The following DDX60L variants were observed in gnomAD, a reference collection of about 807,000 sequenced individuals.
DDX60L encodes the protein DExD/H-box 60 like, also known as probable ATP-dependent RNA helicase DDX60-like.
DDX60L carries 191 observed loss-of-function variants against 211.6 expected under a neutral mutation model. That is an observed-to-expected ratio of 0.90 (90% confidence interval 0.80 to 1.02). The LOEUF (loss-of-function observed/expected upper bound fraction) is 1.02, where lower values mean the gene tolerates loss of function less well. DDX60L is among the 50% of genes least tolerant of loss of function. DDX60L has a pLI of 0.00. For missense variants in DDX60L, 2,007 were observed against 1,984.1 expected (o/e 1.01, Z -0.22); for synonymous variants, 706 against 694.1 (o/e 1.02, Z -0.27).
chr4:168,374,585 G>GGA (rs1340079492), intron 34 of DDX60L, among the ~76,000 whole-genome samples: 3 of 152,190 alleles, frequency 2.0e-5, no homozygotes, highest in African/African-American at 7.2e-5. Context: ...CCGTAATGAT[G>GGA]GAAATATTCT....
chr4:168,456,000 G>T, intron 7 of DDX60L, 39 bp downstream of exon 7: 2 of 1,405,280 alleles, frequency 1.4e-6, no homozygotes, highest in South Asian at 1.3e-5. Flanking sequence ...CCTGATGAAT[G>T]ACAGCTTTCT....
At chr4:168,363,774 C>A (rs1350190617) in intron 36 of DDX60L, among the ~76,000 whole-genome samples, 1 of 151,938 alleles carries the variant, frequency 6.6e-6, no homozygotes, top group Non-Finnish European at 1.5e-5. Flanking sequence ...ACATAAACAA[C>A]AAGAGAGGAA....
intron 7 of DDX60L, among the ~76,000 whole-genome samples, chr4:168,454,325 C>T (rs1756219377): frequency 6.6e-6 from 1 of 152,090 alleles, no homozygotes; most frequent in Admixed American, 6.6e-5. Context: ...GCTCTGTCTC[C>T]TACATTAAAA....
intron 4 of DDX60L, among the ~76,000 whole-genome samples, chr4:168,465,248 G>T (rs568784262): frequency 6.6e-6 from 1 of 151,876 alleles, no homozygotes; most frequent in East Asian, 1.9e-4. Flanking sequence ...GATTAATAAT[G>T]TTGACTATGC....
At chr4:168,445,399 C>G (rs908460373) in intron 9 of DDX60L, among the ~76,000 whole-genome samples, 400 of 150,418 alleles carry the variant, frequency 2.7e-3, no homozygotes, top group African/African-American at 9.1e-3. Context: ...AGCTTACCAA[C>G]CAAAAAGAGT....
intron 4 of DDX60L, among the ~76,000 whole-genome samples, chr4:168,464,972 T>A (rs553934628): frequency 1.3e-5 from 2 of 152,122 alleles, no homozygotes; most frequent in Non-Finnish European, 2.9e-5. Context: ...ACAGCAGATA[T>A]CTCTTTAACA....
chr4:168,394,485 A>G lies in DDX60L; in HGVS notation c.3790T>C (p.Phe1264Leu). ...FKEKEFVEIL[F>L]VKGLIRVVTA... is the part of the protein sequence containing the mutation. ...CCTACCCTAATAAGCCCTTTTACAA[A>G]GAGTATCTCAACAAACTCTTTTTCT... is the stretch of plus-strand genomic sequence containing the variant. The change falls in exon 28 of 38, where the codon TTT (phenylalanine) becomes CTT (leucine). Residue 1264 changes from phenylalanine (F) to leucine (L), a missense_variant. Phe to Leu is a conservative substitution (Grantham distance 22, BLOSUM62 0). Coordinates refer to ENST00000682922, the MANE Select transcript of DDX60L (RefSeq NM_001012967.3). The G allele has an allele frequency of 6.2e-7, 1 of 1,606,466 alleles. No individual in the cohort carries two copies. Among genetic ancestry groups the G allele is most frequent in the Non-Finnish European group, 8.5e-7 (1 of 1,177,634 alleles).
Position 168,400,889 on chromosome 4 carries a change from C to T in DDX60L, c.3428G>A (p.Cys1143Tyr). ...TETKSHPHTE[C>Y]HSYVFAIDEV... Reference sequence around the variant, plus strand: ...ATCTATTGCAAAGACATAACTATGACATTCAGTGTGGGGATGGCTTTTTGT... The same window carrying T: ...ATCTATTGCAAAGACATAACTATGATATTCAGTGTGGGGATGGCTTTTTGT... Residue 1143 changes from cysteine to tyrosine, a missense_variant, in exon 26 of 38, where the codon TGT becomes TAT. Cys to Tyr is a radical substitution (Grantham distance 194, BLOSUM62 -2). Transcript: ENST00000682922. 2 of 1,613,638 alleles carry T rather than the reference C, an allele frequency of 1.2e-6. No homozygotes were observed. The highest frequency in any genetic ancestry group is 1.7e-6 in the Non-Finnish European group (2 of 1,179,592).
chr4:168,453,216 C>T lies in DDX60L; in HGVS notation c.904G>A (p.Ala302Thr). Residue 302 changes from alanine to threonine, a missense_variant, in exon 8 of 38, where the codon GCT becomes ACT. Transcript: ENST00000682922. ...GAAAGGGGTAAGTGGAGTTGAAAAG[C>T]CACACAGAGGCAACGCAGTCTGCAG... The part of the protein sequence containing the change: ...DFCRLRCLCV[A>T]FQLHLPLSQR... The T allele has an allele frequency of 1.2e-6, 2 of 1,613,174 alleles. No homozygotes were observed. Among genetic ancestry groups the T allele is most frequent in the Non-Finnish European group, 1.7e-6 (2 of 1,179,470 alleles).
At chr4:168,364,856 A>G (rs549837101) in intron 36 of DDX60L, among the ~76,000 whole-genome samples, 52 of 152,356 alleles carry the variant, frequency 3.4e-4, no homozygotes, top group African/African-American at 1.1e-3. Flanking sequence ...ATGAAACTAG[A>G]AATCAGCAAC....
chr4:168,453,179 C>A lies in DDX60L; in HGVS notation c.941G>T (p.Cys314Phe). ...CCAAGAGCATGTGATGACTCGAGAACAAGCTCTCTGAGAAAGGGGTAAGTG... is the reference window on the plus strand; with the variant it reads ...CCAAGAGCATGTGATGACTCGAGAAAAAGCTCTCTGAGAAAGGGGTAAGTG... Reference protein sequence around the residue: ...QLHLPLSQRACSRVITCSWIR... With the variant: ...QLHLPLSQRAFSRVITCSWIR... The change falls in exon 8 of 38, where the codon TGT becomes TTT. Residue 314 changes from cysteine (C) to phenylalanine (F), a missense_variant. Cys to Phe is a radical substitution (Grantham distance 205). Transcript: ENST00000682922. 6.2e-7 allele frequency: 1 copy of A among 1,613,334 alleles called. No homozygotes were observed. The highest frequency in any genetic ancestry group is 8.5e-7 in the Non-Finnish European group (1 of 1,179,536).
intron 11 of DDX60L, 143 bp from the exon 12 acceptor site, chr4:168,432,713 A>G: frequency 2.0e-6 from 1 of 509,184 alleles, no homozygotes; most frequent in Non-Finnish European, 3.4e-6. Flanking sequence ...AGAGACATAA[A>G]AACCCTGAAT....
intron 17 of DDX60L, 133 bp from the exon 18 acceptor site, chr4:168,420,513 A>G (rs1750362182): frequency 1.2e-6 from 1 of 861,496 alleles, no homozygotes; most frequent in Non-Finnish European, 1.8e-6. Flanking sequence ...CACTTCAATG[A>G]AAATGAAATG....
rs751072380 is a variant in DDX60L at position 168,453,154 on chromosome 4, C to T, written c.966G>A (p.Trp322Ter). 1.7e-5 allele frequency: 27 copies of T among 1,611,912 alleles called. No individual in the cohort carries two copies. In the South Asian group the frequency reaches 2.3e-4, roughly 14 times the overall value. Residue 322 changes from tryptophan (W) to a stop codon, truncating the protein, a stop_gained, in exon 8 of 38, where the codon TGG (tryptophan) becomes TGA (stop). Coordinates refer to ENST00000682922, the MANE Select transcript of DDX60L (RefSeq NM_001012967.3). LOFTEE classifies it high-confidence loss of function. ...TTAAGAAAGAATCACTGTTCCTAAT[C>T]CAAGAGCATGTGATGACTCGAGAAC... ...RACSRVITCS[W>*]IRNSDSFLKM... is the part of the protein sequence containing the mutation.
chr4:168,415,419 T>C lies in DDX60L; in HGVS notation c.2968A>G (p.Thr990Ala). 6 of 1,601,150 alleles carry C rather than the reference T, an allele frequency of 3.7e-6. No individual in the cohort carries two copies. Among genetic ancestry groups the C allele is most frequent in the Non-Finnish European group, 5.1e-6 (6 of 1,173,122 alleles). Residue 990 changes from threonine to alanine, a missense_variant, in exon 22 of 38, where the codon ACG becomes GCG. By Grantham distance (58) the Thr-to-Ala change is moderately conservative. Transcript: ENST00000682922. Reference sequence around the variant, plus strand: ...ACTTTTATACTTACAATATCTGTCGTTAGCGCAGCACAGGGATGAAAATGA... The same window carrying C: ...ACTTTTATACTTACAATATCTGTCGCTAGCGCAGCACAGGGATGAAAATGA... ...FDHFHPCAAL[T>A]TDIIEKYGFP...
intron 1 of DDX60L, chr4:168,480,119 G>C (rs1236438873): frequency 6.6e-6 from 1 of 152,484 alleles, no homozygotes; most frequent in Non-Finnish European, 1.5e-5. Context: ...CAGATCCCCA[G>C]GCCCCCTCGG....
intron 36 of DDX60L, among the ~76,000 whole-genome samples, chr4:168,365,853 A>G (rs1205100557): frequency 6.6e-6 from 1 of 152,170 alleles, no homozygotes; most frequent in East Asian, 1.9e-4. Flanking sequence ...TATCCAGGGA[A>G]TGCAAGGATA....
In DDX60L at chr4:168,400,900, G is replaced by A. The variant is rs1406423124; in HGVS notation, c.3417C>T (p.Pro1139=). The A allele has an allele frequency of 6.2e-7, 1 of 1,613,430 alleles. No homozygotes were observed. Among genetic ancestry groups the A allele is most frequent in the Non-Finnish European group, 8.5e-7 (1 of 1,179,490 alleles). ...AGACATAACTATGACATTCAGTGTGGGGATGGCTTTTTGTCTCTGTCTTCT... is the reference window on the plus strand; with the variant it reads ...AGACATAACTATGACATTCAGTGTGAGGATGGCTTTTTGTCTCTGTCTTCT... ...FLEKTETKSH[P]HTECHSYVFA... is the part of the protein sequence containing the mutation. The change falls in exon 26 of 38, where the codon CCC becomes CCT. Residue 1139 remains proline (P), a synonymous_variant. Transcript: ENST00000682922.
At position 168,427,317 on chromosome 4, in the gene DDX60L, G is replaced by T; in HGVS notation, c.1683C>A (p.Thr561=). Residue 561 remains threonine (T), a synonymous_variant, in exon 14 of 38, where the codon ACC becomes ACA. Coordinates refer to ENST00000682922, the MANE Select transcript of DDX60L (RefSeq NM_001012967.3). ...TCTTTTTGGTAATTTGGTGGGGTTTGGTATTCTGCTCAATAATAAAAGGAA... is the reference window on the plus strand; with the variant it reads ...TCTTTTTGGTAATTTGGTGGGGTTTTGTATTCTGCTCAATAATAAAAGGAA... ...SGASGEILQN[T]KPHQITKKSK... The T allele has an allele frequency of 6.2e-7, 1 of 1,611,662 alleles. No homozygotes were observed. The highest frequency in any genetic ancestry group is 1.1e-5 in the South Asian group (1 of 90,692).
Sources: allele counts gnomAD v4.1 joint callset (sites outside exome capture counted in the v4.1 genomes callset), GRCh38; gene constraint gnomAD v4.1.1; transcripts MANE v1.5; gene names NCBI Gene and HGNC (gene_info 2026-07-23, HGNC 2026-07-21).